ECEL1: variants seen among roughly 807,000 people sequenced by gnomAD.
ECEL1 encodes the protein endothelin-converting enzyme-like 1.
A neutral mutation model predicts 101.8 loss-of-function variants in ECEL1; 87 were observed. The ratio of observed to expected loss-of-function variants is 0.85; its 90% CI spans 0.72 to 1.02. The LOEUF (loss-of-function observed/expected upper bound fraction) is 1.02, where lower values mean the gene tolerates loss of function less well. ECEL1 is among the 50% of genes least tolerant of loss of function. The pLI is 0.00. For missense variants in ECEL1, 1,032 were observed against 1,079.2 expected (o/e 0.96, Z 0.61); for synonymous variants, 487 against 468.7 (o/e 1.04, Z -0.50).
At chr2:232,481,384 G>T in intron 14 of ECEL1, 122 bp downstream of exon 14, 1 of 1,477,654 alleles carries the variant, frequency 6.8e-7, no homozygotes, top group South Asian at 1.3e-5. Context: ...AACCGAATGT[G>T]TGTGCAGGGA....
intron 7 of ECEL1, 41 bp from the exon 8 acceptor site, chr2:232,483,555 G>C: frequency 6.5e-7 from 1 of 1,548,456 alleles, no homozygotes. Flanking sequence ...CAACCCAGCA[G>C]CCTGGTCTAT....
Position 232,486,315 on chromosome 2 carries a change from G to T in ECEL1, c.339C>A (p.Ala113=). The T allele has an allele frequency of 6.3e-7, 1 of 1,582,640 alleles. No individual in the cohort carries two copies. The highest frequency in any genetic ancestry group is 8.5e-7 in the Non-Finnish European group (1 of 1,172,076). The change falls in exon 2 of 18, where the codon GCC becomes GCA. Residue 113 remains alanine, a synonymous_variant. Coordinates refer to ENST00000304546, the MANE Select transcript of ECEL1 (RefSeq NM_004826.4). Reference sequence around the variant, plus strand: ...GGTCGATGCTGGCGTCCAGGTTGGCGGCCAGGAAGCGAGCGGCGCGCGCGA... The same window carrying T: ...GGTCGATGCTGGCGTCCAGGTTGGCTGCCAGGAAGCGAGCGGCGCGCGCGA... ...KAFARAARFL[A]ANLDASIDPC...
chr2:232,484,900 G>A lies in ECEL1; in HGVS notation c.967-7C>T. 6.2e-7 allele frequency: 1 copy of A among 1,613,248 alleles called. No homozygotes were observed. The highest frequency in any genetic ancestry group is 2.2e-5 in the East Asian group (1 of 44,884). On this transcript the variant is annotated splice_polypyrimidine_tract_variant and splice_region_variant and intron_variant, in intron 4 of 17. Coordinates refer to ENST00000304546, the MANE Select transcript of ECEL1 (RefSeq NM_004826.4). The stretch of plus-strand genomic sequence containing the variant: ...CATGCTCTGACACAGTGATCTGTGG[G>A]GAGAGATCACAGCTGACCCAGCCCT...
Position 232,484,148 on chromosome 2 carries a change from T to C in ECEL1, c.1260A>G (p.Ala420=). 6.2e-7 allele frequency: 1 copy of C among 1,613,734 alleles called. No individual in the cohort carries two copies. Among genetic ancestry groups the C allele is most frequent in the Non-Finnish European group, 8.5e-7 (1 of 1,180,014 alleles). Residue 420 remains alanine, a synonymous_variant, in exon 7 of 18, where the codon GCA becomes GCG. Transcript: ENST00000304546. ...SEHLSPPFRE[A]LHELAQEMEG... ...CCATCTCCTGTGCCAGCTCGTGCAGTGCCTCACGGAATGGCGGGGACAGGT... is the reference window on the plus strand; with the variant it reads ...CCATCTCCTGTGCCAGCTCGTGCAGCGCCTCACGGAATGGCGGGGACAGGT...
chr2:232,483,950 C>T, intron 7 of ECEL1, 51 bp downstream of exon 7: 4 of 1,538,200 alleles, frequency 2.6e-6, no homozygotes, highest in Non-Finnish European at 3.5e-6. Flanking sequence ...CTCGGGAGGG[C>T]TCCACCCTCA....
Position 232,479,991 on chromosome 2 carries a change from GC to G in ECEL1, c.*161del. 1 of 659,264 alleles carries G rather than the reference GC, an allele frequency of 1.5e-6. No homozygotes were observed. Among genetic ancestry groups the G allele is most frequent in the East Asian group, 2.7e-5 (1 of 36,768 alleles). The allele number at this position is 659,264 out of a possible 1,614,324, so 40.8% of individuals were successfully genotyped here. ...AAAGTCCAGCCTCACCCTGCTCCAG[GC>G]CCCTCCTGAAGTGAGGGGCAGCAGG... On this transcript the variant is annotated 3_prime_UTR_variant, in exon 18 of 18. Transcript: ENST00000304546.
chr2:232,481,757 C>A (rs376306807), intron 13 of ECEL1, 25 bp downstream of exon 13: 1 of 1,608,764 alleles, frequency 6.2e-7, no homozygotes, highest in East Asian at 2.2e-5. Context: ...TCCGGGCCAT[C>A]CCCTGGGGCC....
rs202042234 is a variant in ECEL1, at chr2:232,482,637, G to A, written c.1686-29C>T. Reference sequence around the variant, plus strand: ...TGGAGGGATGCTGGGGTGAATGGGGGGAACACACTCCCTCCCCCGCTACCC... The same window carrying A: ...TGGAGGGATGCTGGGGTGAATGGGGAGAACACACTCCCTCCCCCGCTACCC... On this transcript the variant is annotated intron_variant, in intron 10 of 17. Transcript: ENST00000304546. 12 of 1,595,342 alleles carry A rather than the reference G, an allele frequency of 7.5e-6. No individual in the cohort carries two copies. In the East Asian group the frequency reaches 2.7e-4, roughly 36 times the overall value.
Position 232,484,824 on chromosome 2 carries a change from G to A in ECEL1, c.1036C>T (p.Gln346Ter), listed in dbSNP as rs1690677646. ...SSMYNKVTLG[Q>*]LQKITPHLRW... ...ACGTGGGGGGTGATCTTCTGCAGCTGCCCCAGCGTCACCTTGTTGTACATG... is the reference window on the plus strand; with the variant it reads ...ACGTGGGGGGTGATCTTCTGCAGCTACCCCAGCGTCACCTTGTTGTACATG... Residue 346 changes from glutamine to a stop codon, truncating the protein, a stop_gained, in exon 5 of 18, where the codon CAG (glutamine) becomes TAG (stop). Transcript: ENST00000304546. LOFTEE classifies it high-confidence loss of function. 1.2e-6 allele frequency: 2 copies of A among 1,613,988 alleles called. No homozygotes were observed. Among genetic ancestry groups the A allele is most frequent in the East Asian group, 2.2e-5 (1 of 44,882 alleles).
chr2:232,484,721 C>T, intron 5 of ECEL1, 80 bp downstream of exon 5: 1 of 1,606,808 alleles, frequency 6.2e-7, no homozygotes, highest in Non-Finnish European at 8.5e-7. Context: ...TTGCCCATCT[C>T]TGGGGAGAGA....
At position 232,480,101 on chromosome 2, in the gene ECEL1, CAGG is replaced by C; in HGVS notation, c.*49_*51del. 6.3e-7 allele frequency: 1 copy of C among 1,581,692 alleles called. No individual in the cohort carries two copies. The highest frequency in any genetic ancestry group is 8.7e-7 in the Non-Finnish European group (1 of 1,154,238). On this transcript the variant is annotated 3_prime_UTR_variant, in exon 18 of 18. Coordinates refer to ENST00000304546, the MANE Select transcript of ECEL1 (RefSeq NM_004826.4). ...GGTGCATGCCTGCCCCGGTAGCCAG[CAGG>C]AGGTGATTCGTGCGGGGGCAGTGGG...
intron 14 of ECEL1, 69 bp downstream of exon 14, chr2:232,481,437 G>C: frequency 6.5e-7 from 1 of 1,549,748 alleles, no homozygotes; most frequent in African/African-American, 1.4e-5. Context: ...GTGCGCAAGG[G>C]TGTGCGTGAT....
In ECEL1 at chr2:232,480,166, C is replaced by T. The variant is rs1468651852; in HGVS notation, c.2315G>A (p.Cys772Tyr). 6.2e-7 allele frequency: 1 copy of T among 1,613,672 alleles called. No individual in the cohort carries two copies. Among genetic ancestry groups the T allele is most frequent in the Non-Finnish European group, 8.5e-7 (1 of 1,179,886 alleles). The change falls in exon 18 of 18, where the codon TGT (cysteine) becomes TAT (tyrosine). Residue 772 changes from cysteine (C) to tyrosine (Y), a missense_variant. Physicochemically the swap from Cys to Tyr is radical, Grantham distance 194. Coordinates refer to ENST00000304546, the MANE Select transcript of ECEL1 (RefSeq NM_004826.4). ...KDSPMNPAHK[C>Y]SVW ...GGGCAGCCAGGCTCACCACACGGAA[C>T]ACTTGTGGGCAGGGTTCATGGGTGA...
chr2:232,485,616 C>T (rs1690700208), intron 2 of ECEL1, among the ~76,000 whole-genome samples: 2 of 152,254 alleles, frequency 1.3e-5, no homozygotes, highest in Non-Finnish European at 2.9e-5. Context: ...CCTCCTGGCC[C>T]TCACTGCCTG....
At chr2:232,480,296 C>T (rs1383768458) in intron 17 of ECEL1, 44 bp from the exon 18 acceptor site, 1 of 1,612,050 alleles carries the variant, frequency 6.2e-7, no homozygotes, top group South Asian at 1.1e-5. Context: ...CCTGCAGCCA[C>T]TCCAGCCCCA....
chr2:232,487,508 A>G (rs1330004197), intron 1 of ECEL1, among the ~76,000 whole-genome samples: 3 of 150,916 alleles, frequency 2.0e-5, no homozygotes, highest in Admixed American at 6.6e-5. Context: ...CCCGGCGGGG[A>G]GCGAGCTGGC....
rs932630229 is a variant in ECEL1, at chr2:232,479,829, C to T, written c.*324G>A. The T allele has an allele frequency of 2.9e-6, 1 of 339,272 alleles. No homozygotes were observed. Among genetic ancestry groups the T allele is most frequent in the South Asian group, 4.0e-5 (1 of 24,828 alleles). The allele number at this position is 339,272 out of a possible 1,614,324, so 21.0% of individuals were successfully genotyped here. A position where few individuals can be genotyped will look rare whatever the true frequency, so the allele number is the denominator to read the frequency against. Reference sequence around the variant, plus strand: ...GGGACCCGTGAAGAGGCCAAGGCAACAGTGCAGTGATTTATTGACCAGACT... The same window carrying T: ...GGGACCCGTGAAGAGGCCAAGGCAATAGTGCAGTGATTTATTGACCAGACT... On this transcript the variant is annotated 3_prime_UTR_variant, in exon 18 of 18. Coordinates refer to ENST00000304546, the MANE Select transcript of ECEL1 (RefSeq NM_004826.4).
Position 232,486,579 on chromosome 2 carries a change from C to T in ECEL1, c.75G>A (p.Ala25=), listed in dbSNP as rs985763887. 1.4e-6 allele frequency: 2 copies of T among 1,399,310 alleles called. No homozygotes were observed. Among genetic ancestry groups the T allele is most frequent in the Non-Finnish European group, 1.9e-6 (2 of 1,078,676 alleles). 86.7% of individuals were successfully genotyped at this position (1,399,310 alleles called of 1,614,324 possible). The change falls in exon 2 of 18, where the codon GCG becomes GCA. Residue 25 remains alanine (A), a synonymous_variant. Coordinates refer to ENST00000304546, the MANE Select transcript of ECEL1 (RefSeq NM_004826.4). ...QEVKYVSRCG[A]GGARGASLPP... Reference sequence around the variant, plus strand: ...GCAGGGAGGCCCCGCGCGCGCCCCCCGCGCCGCAGCGGCTCACGTACTTGA... The same window carrying T: ...GCAGGGAGGCCCCGCGCGCGCCCCCTGCGCCGCAGCGGCTCACGTACTTGA...
At chr2:232,482,364 G>A (rs1434359088) in intron 12 of ECEL1, 54 bp downstream of exon 12, 1 of 1,610,634 alleles carries the variant, frequency 6.2e-7, no homozygotes, top group African/African-American at 1.3e-5. Context: ...GGTAGACAAG[G>A]TCTGCAATGC....
Sources: gnomAD v4.1 joint callset for allele counts (sites outside exome capture counted in the v4.1 genomes callset) on GRCh38, gnomAD v4.1.1 for gene constraint, MANE v1.5 for transcripts, NCBI Gene and HGNC (gene_info 2026-07-23, HGNC 2026-07-21) for gene names.